Variants in NRG3 observed in about 807,000 individuals in gnomAD.
NRG3 encodes the protein neuregulin 3.
A neutral mutation model predicts 66.9 loss-of-function variants in NRG3; 31 were observed. That is an observed-to-expected ratio of 0.46 (90% CI 0.35 to 0.63). NRG3 has a LOEUF of 0.63. NRG3 is among the 20% of genes least tolerant of loss of function. The pLI is 0.00. For synonymous variants in NRG3, 393 were observed against 359.4 expected (o/e 1.09, Z -1.06); for missense variants, 910 against 878.9 (o/e 1.04, Z -0.45).
At chr10:82,152,854 CTTTTCTTTCT>C (rs1295598267) in intron 1 of NRG3, among the ~76,000 whole-genome samples, 1 of 138,986 alleles carries the variant, frequency 7.2e-6, no homozygotes, top group Non-Finnish European at 1.5e-5. Context: ...TTCTTTCTTT[CTTTTCTTTCT>C]TTTTCTTTTC....
chr10:82,802,162 C>G (rs2135442141), intron 3 of NRG3, among the ~76,000 whole-genome samples: 1 of 152,194 alleles, frequency 6.6e-6, no homozygotes, highest in Admixed American at 6.5e-5. Context: ...TTTGTGAGAT[C>G]AGATATAGTT....
At chr10:82,846,753 C>T (rs113459884) in intron 3 of NRG3, among the ~76,000 whole-genome samples, 6,614 of 152,160 alleles carry the variant, frequency 0.043, 199 homozygotes, top group Middle Eastern at 0.11. Context: ...AAAAGGATAT[C>T]CACTTATAAA....
intron 1 of NRG3, among the ~76,000 whole-genome samples, chr10:81,974,653 A>C (rs1185669854): frequency 1.3e-5 from 2 of 152,078 alleles, no homozygotes; most frequent in Non-Finnish European, 2.9e-5. Flanking sequence ...TCTTCATAGG[A>C]TGCATATTCA....
intron 3 of NRG3, among the ~76,000 whole-genome samples, chr10:82,855,019 T>C (rs1290494059): frequency 6.6e-6 from 1 of 152,136 alleles, no homozygotes; most frequent in Admixed American, 6.5e-5. Context: ...CTTAGACAGA[T>C]GGGCAGGAGA....
At chr10:82,549,348 C>A (rs1258045535) in intron 2 of NRG3, among the ~76,000 whole-genome samples, 1 of 151,950 alleles carries the variant, frequency 6.6e-6, no homozygotes, top group Non-Finnish European at 1.5e-5. Flanking sequence ...TTCTTGTTGC[C>A]CATACTTACA....
At chr10:81,971,792 G>A (rs959507370) in intron 1 of NRG3, among the ~76,000 whole-genome samples, 1 of 152,164 alleles carries the variant, frequency 6.6e-6, no homozygotes, top group African/African-American at 2.4e-5. Context: ...AGAATGCACA[G>A]GACAAAGTAC....
chr10:82,437,801 C>T (rs2090222112), intron 2 of NRG3, among the ~76,000 whole-genome samples: 1 of 151,968 alleles, frequency 6.6e-6, no homozygotes, highest in Admixed American at 6.6e-5. Context: ...TAGTCAGGTC[C>T]CTCTTCTATA....
intron 1 of NRG3, among the ~76,000 whole-genome samples, chr10:82,037,888 C>T (rs1408088860): frequency 6.6e-6 from 1 of 151,574 alleles, no homozygotes. Flanking sequence ...AGTAAGTCAA[C>T]TTCGTAAGGG....
intron 3 of NRG3, among the ~76,000 whole-genome samples, chr10:82,743,071 C>G (rs2058496437): frequency 6.6e-6 from 1 of 152,084 alleles, no homozygotes; most frequent in African/African-American, 2.4e-5. Flanking sequence ...CACGCCTCCT[C>G]ACACACAGCT....
At chr10:81,923,927 G>A (rs1263249771) in intron 1 of NRG3, among the ~76,000 whole-genome samples, 1 of 152,202 alleles carries the variant, frequency 6.6e-6, no homozygotes, top group Non-Finnish European at 1.5e-5. Flanking sequence ...TGTAGAAACA[G>A]GCTGCGTATG....
intron 1 of NRG3, among the ~76,000 whole-genome samples, chr10:82,081,150 A>C (rs1425852165): frequency 6.6e-6 from 1 of 152,320 alleles, no homozygotes; most frequent in East Asian, 1.9e-4. Flanking sequence ...TATAGACATG[A>C]ATATTTGATG....
At chr10:82,556,167 G>A (rs1044209699) in intron 2 of NRG3, among the ~76,000 whole-genome samples, 5 of 152,024 alleles carry the variant, frequency 3.3e-5, no homozygotes, top group African/African-American at 7.2e-5. Context: ...TGTCTCTCAG[G>A]CTGTATTTCA....
chr10:82,874,800 T>C (rs1163009097), intron 4 of NRG3, among the ~76,000 whole-genome samples: 1 of 152,212 alleles, frequency 6.6e-6, no homozygotes, highest in Non-Finnish European at 1.5e-5. Context: ...GCTCTTGAAT[T>C]ATTTAGGTGA....
At chr10:82,076,562 G>A (rs977798699) in intron 1 of NRG3, among the ~76,000 whole-genome samples, 12 of 152,144 alleles carry the variant, frequency 7.9e-5, no homozygotes, top group African/African-American at 2.9e-4. Context: ...GTTTGTATCA[G>A]GGGGGTGGGT....
intron 2 of NRG3, among the ~76,000 whole-genome samples, chr10:82,444,801 TCCCTTCCAAATGTTTAC>T (rs2090628621): frequency 6.6e-6 from 1 of 152,208 alleles, no homozygotes; most frequent in Non-Finnish European, 1.5e-5. Flanking sequence ...TGGCTCATTT[TCCCTTCCAAATGTTTAC>T]AATAAAGAGT....
intron 4 of NRG3, among the ~76,000 whole-genome samples, chr10:82,923,127 T>C (rs1189218511): frequency 6.6e-6 from 1 of 152,212 alleles, no homozygotes; most frequent in Non-Finnish European, 1.5e-5. Flanking sequence ...AAGATGATCA[T>C]GCCACTTCCT....
intron 1 of NRG3, among the ~76,000 whole-genome samples, chr10:82,287,075 G>A (rs1371472235): frequency 6.6e-6 from 1 of 152,174 alleles, no homozygotes; most frequent in Non-Finnish European, 1.5e-5. Context: ...GAAGAGGAAG[G>A]AGGATAATAG....
At chr10:82,936,032 G>T (rs1275659889) in intron 4 of NRG3, among the ~76,000 whole-genome samples, 2 of 152,012 alleles carry the variant, frequency 1.3e-5, no homozygotes, top group African/African-American at 4.8e-5. Context: ...TGTATACAGG[G>T]GTATGGATCA....
chr10:82,246,695 G>C (rs577336853), intron 1 of NRG3, among the ~76,000 whole-genome samples: 24 of 152,256 alleles, frequency 1.6e-4, no homozygotes, highest in Admixed American at 1.4e-3. Context: ...AATGGGAAAT[G>C]ATCTTAGTCT....
Sources: gnomAD v4.1 joint callset for allele counts (sites outside exome capture counted in the v4.1 genomes callset) on GRCh38, gnomAD v4.1.1 for gene constraint, MANE v1.5 for transcripts, NCBI Gene and HGNC (gene_info 2026-07-23, HGNC 2026-07-21) for gene names.